The following CAMK4 variants were observed in gnomAD, a reference collection of about 807,000 sequenced individuals.
CAMK4 encodes the protein calcium/calmodulin dependent protein kinase IV.
CAMK4 carries 22 observed loss-of-function variants against 44.9 expected under a neutral mutation model. That is an observed-to-expected ratio of 0.49 (90% CI 0.35 to 0.70). The LOEUF is 0.70. Among genes scored for constraint, CAMK4 ranks in the 30% least tolerant of loss-of-function variants. The pLI is 0.01. For missense variants in CAMK4, 498 were observed against 586.8 expected (o/e 0.85, Z 1.56); for synonymous variants, 218 against 215.4 (o/e 1.01, Z -0.11).
chr5:111,320,667 C>T (rs1261987909), intron 1 of CAMK4, among the ~76,000 whole-genome samples: 3 of 152,122 alleles, frequency 2.0e-5, no homozygotes, highest in Admixed American at 2.0e-4. Flanking sequence ...CCACCATGCC[C>T]AACTAATTTT....
intron 1 of CAMK4, among the ~76,000 whole-genome samples, chr5:111,259,184 T>C (rs1749872688): frequency 6.6e-6 from 1 of 152,204 alleles, no homozygotes. Flanking sequence ...ACAGAATATA[T>C]GCTTCTTGGA....
intron 1 of CAMK4, among the ~76,000 whole-genome samples, chr5:111,296,702 A>C (rs1747497464): frequency 6.6e-6 from 1 of 152,216 alleles, no homozygotes; most frequent in Non-Finnish European, 1.5e-5. Context: ...AGTGGAGTTT[A>C]AACAAAAACA....
At chr5:111,339,583 A>G (rs1369858504) in intron 1 of CAMK4, among the ~76,000 whole-genome samples, 1 of 151,298 alleles carries the variant, frequency 6.6e-6, no homozygotes, top group Non-Finnish European at 1.5e-5. Flanking sequence ...CCATTGCTCT[A>G]TGTGTTTATT....
chr5:111,266,504 G>C (rs1158203970), intron 1 of CAMK4, among the ~76,000 whole-genome samples: 1 of 152,146 alleles, frequency 6.6e-6, no homozygotes, highest in East Asian at 1.9e-4. Context: ...AGCGAGACTT[G>C]AGTTTAGACA....
At chr5:111,430,055 G>A (rs971545238) in intron 5 of CAMK4, among the ~76,000 whole-genome samples, 2 of 151,948 alleles carry the variant, frequency 1.3e-5, no homozygotes, top group African/African-American at 2.4e-5. Flanking sequence ...GAACATTGAT[G>A]CAAAAATCTT....
chr5:111,483,400 A>AT (rs1265303615), intron 10 of CAMK4, among the ~76,000 whole-genome samples: 1 of 152,182 alleles, frequency 6.6e-6, no homozygotes, highest in African/African-American at 2.4e-5. Context: ...TAAATATATC[A>AT]TTTTATATAG....
chr5:111,398,468 T>C (rs1237509745), intron 5 of CAMK4, among the ~76,000 whole-genome samples: 1 of 152,226 alleles, frequency 6.6e-6, no homozygotes, highest in East Asian at 1.9e-4. Flanking sequence ...GGTGGTTTTT[T>C]TGCTTTTACT....
Position 111,376,845 on chromosome 5 carries a change from T to TA in CAMK4, c.304-14dup. 1.4e-6 allele frequency: 2 copies of TA among 1,463,758 alleles called. No individual in the cohort carries two copies. Among genetic ancestry groups the TA allele is most frequent in the Non-Finnish European group, 1.9e-6 (2 of 1,053,654 alleles). 90.7% of individuals were successfully genotyped at this position (1,463,758 alleles called of 1,614,324 possible). The stretch of plus-strand genomic sequence containing the variant: ...AAGAAATTTGTGATATTCTTTTTTT[T>TA]ATATCTTTCCCTAGATAAAACTTAA... On this transcript the variant is annotated splice_polypyrimidine_tract_variant and intron_variant, in intron 3 of 10. Coordinates refer to ENST00000282356, the MANE Select transcript of CAMK4 (RefSeq NM_001744.6).
intron 9 of CAMK4, among the ~76,000 whole-genome samples, chr5:111,480,061 G>A (rs988248759): frequency 1.3e-5 from 2 of 151,638 alleles, no homozygotes; most frequent in Admixed American, 6.6e-5. Flanking sequence ...ACGCTGCCTG[G>A]TCTGGGGCCT....
At chr5:111,284,381 G>A (rs1224869730) in intron 1 of CAMK4, among the ~76,000 whole-genome samples, 6 of 152,012 alleles carry the variant, frequency 3.9e-5, no homozygotes, top group Non-Finnish European at 8.8e-5. Flanking sequence ...ATGAACTAAC[G>A]AGAAACTAAA....
chr5:111,402,198 C>A (rs1054340376), intron 5 of CAMK4, among the ~76,000 whole-genome samples: 6 of 152,178 alleles, frequency 3.9e-5, no homozygotes, highest in African/African-American at 1.4e-4. Context: ...CGTGGCAGAT[C>A]CAAATGGAGA....
chr5:111,406,068 T>C (rs1236376828), intron 5 of CAMK4, among the ~76,000 whole-genome samples: 2 of 6,346 alleles, frequency 3.2e-4, no homozygotes, highest in Non-Finnish European at 6.8e-4. Context: ...CATTACATTC[T>C]TTTTTTTTTG....
At chr5:111,296,982 A>G (rs1747509381) in intron 1 of CAMK4, among the ~76,000 whole-genome samples, 2 of 152,208 alleles carry the variant, frequency 1.3e-5, no homozygotes, top group Non-Finnish European at 2.9e-5. Flanking sequence ...AAAGGTGAAA[A>G]CTTTAATGGG....
chr5:111,434,162 G>A (rs995308344), intron 5 of CAMK4, among the ~76,000 whole-genome samples: 6 of 151,970 alleles, frequency 3.9e-5, no homozygotes, highest in Non-Finnish European at 2.9e-5. Flanking sequence ...ACATGGTGGC[G>A]TGCTCCTGTA....
intron 1 of CAMK4, among the ~76,000 whole-genome samples, chr5:111,329,355 A>G (rs2112716298): frequency 6.6e-6 from 1 of 151,946 alleles, no homozygotes; most frequent in South Asian, 2.1e-4. Flanking sequence ...CCTATTCAAC[A>G]TGGTGTTGGA....
At chr5:111,310,563 G>A (rs1223432720) in intron 1 of CAMK4, among the ~76,000 whole-genome samples, 1 of 152,158 alleles carries the variant, frequency 6.6e-6, no homozygotes, top group Non-Finnish European at 1.5e-5. Flanking sequence ...CAGCAGTGTG[G>A]AAGATGGCTC....
intron 1 of CAMK4, among the ~76,000 whole-genome samples, chr5:111,343,036 C>T (rs1749709832): frequency 6.6e-6 from 1 of 151,380 alleles, no homozygotes; most frequent in African/African-American, 2.4e-5. Context: ...TTTTATATTA[C>T]CTTCATTTAT....
At chr5:111,446,001 A>C (rs976930890) in intron 5 of CAMK4, among the ~76,000 whole-genome samples, 2 of 152,246 alleles carry the variant, frequency 1.3e-5, no homozygotes, top group Non-Finnish European at 2.9e-5. Flanking sequence ...TACAATGAGA[A>C]TATGTTGCAT....
In CAMK4 at chr5:111,485,702, AAAAC is replaced by A. The variant is rs1193435846; in HGVS notation, c.*1244_*1247del. ...GCACAATGCAATTTATTTACCTTAA[AAAAC>A]AAACAAAAACAAAAATAAAGAAAAA... is the stretch of plus-strand genomic sequence containing the variant. On this transcript the variant is annotated 3_prime_UTR_variant, in exon 11 of 11. Transcript: ENST00000282356. The A allele has an allele frequency of 3.3e-5, 5 of 152,212 alleles. No homozygotes were observed. The highest frequency in any genetic ancestry group is 1.2e-4 in the African/African-American group (5 of 41,470). The allele number at this position is 152,212 out of a possible 1,614,324, so 9.4% of individuals were successfully genotyped here. A position where few individuals can be genotyped will look rare whatever the true frequency, so the allele number is the denominator to read the frequency against.
Sources: allele counts gnomAD v4.1 joint callset (sites outside exome capture counted in the v4.1 genomes callset), GRCh38; gene constraint gnomAD v4.1.1; transcripts MANE v1.5; gene names NCBI Gene and HGNC (gene_info 2026-07-23, HGNC 2026-07-21).